RANBP2: variants seen among roughly 807,000 people sequenced by gnomAD.
RANBP2 encodes E3 SUMO-protein ligase RanBP2.
Under a neutral mutation model 303.6 loss-of-function variants are expected in RANBP2, and 57 were observed. That is an observed-to-expected ratio of 0.19 (90% CI 0.15 to 0.23). RANBP2 has a LOEUF of 0.23. RANBP2 is among the 10% of genes least tolerant of loss of function. RANBP2 has a pLI of 1.00. For missense variants in RANBP2, 3,138 were observed against 3,780.8 expected, an observed-to-expected ratio of 0.83 and a Z score of 4.46; for synonymous variants, 1,167 against 1,301.5, an observed-to-expected ratio of 0.90 and a Z score of 2.23.
At chr2:109,442,171 C>T in the RANBP2 span, among the ~76,000 whole-genome samples, 3 of 152,004 alleles carry the variant, frequency 2.0e-5, no homozygotes, top group South Asian at 2.1e-4. Context: ...ATTAGCCAGG[C>T]GTGTTGGCGG....
chr2:109,449,696 T>C, the RANBP2 span, among the ~76,000 whole-genome samples: 1,985 of 152,324 alleles, frequency 0.013, 28 homozygotes, highest in Non-Finnish European at 0.019. Flanking sequence ...CCTTGGGTGC[T>C]GGCAGGGCCA....
chr2:109,577,843 G>C, the RANBP2 span, among the ~76,000 whole-genome samples: 1 of 150,744 alleles, frequency 6.6e-6, no homozygotes. Flanking sequence ...AACCCAGGAG[G>C]GGGAGGTTAC....
chr2:108,892,396 C>T, the RANBP2 span, among the ~76,000 whole-genome samples: 1 of 152,170 alleles, frequency 6.6e-6, no homozygotes, highest in Non-Finnish European at 1.5e-5. Context: ...GCAACCCTTT[C>T]CTTGTTTGTT....
chr2:109,198,188 A>G, the RANBP2 span, among the ~76,000 whole-genome samples: 1 of 152,184 alleles, frequency 6.6e-6, no homozygotes, highest in Non-Finnish European at 1.5e-5. Flanking sequence ...GACCTTCTGG[A>G]ACCCTCAAGA....
chr2:109,467,973 A>G, the RANBP2 span, among the ~76,000 whole-genome samples: 32 of 152,388 alleles, frequency 2.1e-4, no homozygotes, highest in East Asian at 5.0e-3. Flanking sequence ...TCAGAGGCAG[A>G]GAGACCCTGG....
At chr2:109,490,823 G>A in the RANBP2 span, 2 of 1,536,866 alleles carry the variant, frequency 1.3e-6, no homozygotes, top group Admixed American at 2.0e-5. Context: ...TGGGGATGGA[G>A]CCTCTGCACA....
the RANBP2 span, among the ~76,000 whole-genome samples, chr2:109,563,471 T>C: frequency 2.0e-5 from 3 of 152,192 alleles, no homozygotes; most frequent in East Asian, 1.9e-4. Flanking sequence ...GAGTTTAAAA[T>C]AGCACTTGTC....
chr2:109,613,030 C>T, the RANBP2 span: 1 of 523,700 alleles, frequency 1.9e-6, no homozygotes, highest in South Asian at 1.5e-5. Flanking sequence ...CCAATGTTTA[C>T]TATCAAAAAT....
the RANBP2 span, among the ~76,000 whole-genome samples, chr2:108,848,852 T>G: frequency 6.6e-6 from 1 of 152,322 alleles, no homozygotes; most frequent in South Asian, 2.1e-4. Flanking sequence ...TATTATGTAT[T>G]GAATTAATGA....
the RANBP2 span, among the ~76,000 whole-genome samples, chr2:109,451,642 A>G: frequency 6.6e-6 from 1 of 152,350 alleles, no homozygotes; most frequent in Admixed American, 6.5e-5. Context: ...CCTGTTAGAC[A>G]CTTTGTAAAT....
At chr2:109,141,741 G>A in the RANBP2 span, among the ~76,000 whole-genome samples, 5 of 152,104 alleles carry the variant, frequency 3.3e-5, no homozygotes, top group African/African-American at 4.8e-5. Flanking sequence ...TCTAGACCCC[G>A]GGGAACAAGT....
chr2:109,684,294 T>G, the RANBP2 span, among the ~76,000 whole-genome samples: 9 of 122,034 alleles, frequency 7.4e-5, no homozygotes, highest in Admixed American at 1.1e-4. Flanking sequence ...CAGGCTGGAG[T>G]GCAGTGGCAT....
the RANBP2 span, among the ~76,000 whole-genome samples, chr2:109,052,657 G>A: frequency 2.0e-5 from 3 of 152,156 alleles, no homozygotes; most frequent in African/African-American, 7.2e-5. Context: ...AGCTGAGGAA[G>A]CCCAGCTAAT....
chr2:108,993,580 A>G, the RANBP2 span, among the ~76,000 whole-genome samples: 28,160 of 152,070 alleles, frequency 0.19, 2,823 homozygotes, highest in Middle Eastern at 0.26. Flanking sequence ...GGGAGATGAA[A>G]TGCTATGTGA....
chr2:109,238,500 A>T, the RANBP2 span, among the ~76,000 whole-genome samples: 15 of 144,938 alleles, frequency 1.0e-4, no homozygotes, highest in South Asian at 4.4e-4. Flanking sequence ...TGTGTGTGTG[A>T]GAGTGAGACA....
the RANBP2 span, among the ~76,000 whole-genome samples, chr2:109,548,425 G>A: frequency 5.3e-5 from 8 of 152,156 alleles, no homozygotes; most frequent in Non-Finnish European, 5.9e-5. Context: ...ATGGCTCATT[G>A]AGGTTTACAG....
chr2:109,237,670 GT>G, the RANBP2 span, among the ~76,000 whole-genome samples: 1 of 152,132 alleles, frequency 6.6e-6, no homozygotes, highest in Non-Finnish European at 1.5e-5. Context: ...GCCCAAGACG[GT>G]TCTTCCAGTG....
the RANBP2 span, among the ~76,000 whole-genome samples, chr2:109,162,491 G>A: frequency 1.3e-5 from 2 of 152,276 alleles, no homozygotes; most frequent in South Asian, 4.2e-4. Context: ...GTATACATGT[G>A]CCATGTTGGT....
the RANBP2 span, among the ~76,000 whole-genome samples, chr2:109,386,949 C>CT: frequency 2.0e-5 from 3 of 152,126 alleles, no homozygotes; most frequent in African/African-American, 4.8e-5. Context: ...GCCTAATCTG[C>CT]TTTTTTGTTT....
Sources: allele counts gnomAD v4.1 joint callset (sites outside exome capture counted in the v4.1 genomes callset), GRCh38; gene constraint gnomAD v4.1.1; transcripts MANE v1.5; gene names NCBI Gene and HGNC (gene_info 2026-07-23, HGNC 2026-07-21).